The following BCR variants were observed in gnomAD, a reference collection of about 807,000 sequenced individuals.
BCR encodes the protein breakpoint cluster region protein.
In BCR, 58 loss-of-function variants were observed where a neutral mutation model predicts 138.6. The observed-to-expected ratio is 0.42, with a 90% CI of 0.34 to 0.52. BCR has a LOEUF of 0.52. Ranked by LOEUF, BCR falls within the 20% of genes least tolerant of loss-of-function variation. The probability of loss-of-function intolerance (pLI) is 0.06; values close to 1 mark genes in which losing one functional copy is unlikely to be tolerated. For synonymous variants in BCR, 786 were observed against 730.1 expected (o/e 1.08, Z -1.23); for missense variants, 1,599 against 1,727.2 (o/e 0.93, Z 1.32).
chr22:23,263,834 A>C, intron 4 of BCR: 1 of 1,110,122 alleles, frequency 9.0e-7, no homozygotes, highest in South Asian at 1.2e-5. Flanking sequence ...GGTAGTGTTT[A>C]TACACCATCC....
rs1339264038 is a variant in BCR at position 23,285,191 on chromosome 22, A to C, written c.2396A>C (p.Gln799Pro). Residue 799 changes from glutamine to proline, a missense_variant, in exon 10 of 23, where the codon CAG becomes CCG. By Grantham distance (76) the Gln-to-Pro change is moderately conservative. Coordinates refer to ENST00000305877, the MANE Select transcript of BCR (RefSeq NM_004327.4). Reference sequence around the variant, plus strand: ...ATCTCCCAGATCAAGAATGACATCCAGAGAGAGAAGGTGCACACCAGGGGA... The same window carrying C: ...ATCTCCCAGATCAAGAATGACATCCCGAGAGAGAAGGTGCACACCAGGGGA... The part of the protein sequence containing the change: ...IKISQIKNDI[Q>P]REKRANKGSK... 3.1e-6 allele frequency: 5 copies of C among 1,611,642 alleles called. No individual in the cohort carries two copies. The African/African-American group carries it at 6.7e-5, about 22-fold the overall frequency.
intron 1 of BCR, chr22:23,242,948 T>C (rs545860218): frequency 2.2e-6 from 1 of 454,458 alleles, no homozygotes; most frequent in African/African-American, 2.0e-5. Context: ...GGTGACAACA[T>C]CTCTCCAGTC....
At chr22:23,290,313 G>A in intron 13 of BCR, 26 bp from the exon 14 acceptor site, 1 of 1,607,600 alleles carries the variant, frequency 6.2e-7, no homozygotes, top group South Asian at 1.1e-5. Flanking sequence ...GACAACAGAA[G>A]CTGACCTCTT....
At chr22:23,217,043 CGGCGTGGACACAA>C (rs746459949) in intron 1 of BCR, 23 of 450,694 alleles carry the variant, frequency 5.1e-5, no homozygotes, top group South Asian at 3.0e-4. Context: ...TGTGGACACA[CGGCGTGGACACAA>C]GGCATGATTC....
chr22:23,300,291 A>G (rs746127550), intron 16 of BCR, among the ~76,000 whole-genome samples: 5 of 152,182 alleles, frequency 3.3e-5, no homozygotes, highest in Admixed American at 1.3e-4. Context: ...ACCTCATGTA[A>G]GTGGAATCAT....
rs1211567986 is a variant in BCR, at chr22:23,273,742, C to T, written c.2083C>T (p.Arg695Ter). 1.9e-6 allele frequency: 3 copies of T among 1,614,134 alleles called. No individual in the cohort carries two copies. The highest frequency in any genetic ancestry group is 1.7e-6 in the Non-Finnish European group (2 of 1,180,032). Residue 695 changes from arginine (R) to a stop codon, truncating the protein, a stop_gained, in exon 8 of 23, where the codon CGA becomes TGA. Transcript: ENST00000305877. LOFTEE classifies it high-confidence loss of function. ...CAGCATCAATGAGGAGATCACACCC[C>T]GACGGCAGTCCATGACGGTGAAGAA... Reference protein sequence around the residue: ...LSSINEEITPRRQSMTVKKGE... With the variant: ...LSSINEEITP
chr22:23,243,131 G>A (rs778280410), intron 1 of BCR: 3 of 248,218 alleles, frequency 1.2e-5, no homozygotes, highest in East Asian at 1.2e-4. Context: ...TTTCCTGAAC[G>A]ATGGGGTGAT....
intron 4 of BCR, chr22:23,263,754 C>A: frequency 7.0e-7 from 1 of 1,428,340 alleles, no homozygotes; most frequent in Non-Finnish European, 9.9e-7. Context: ...GCAAAGGGGG[C>A]ATCATATCAT....
At chr22:23,215,264 T>C (rs962224330) in intron 1 of BCR, among the ~76,000 whole-genome samples, 1 of 152,234 alleles carries the variant, frequency 6.6e-6, no homozygotes. Flanking sequence ...TTTCTGCCTT[T>C]TGTAAAGCAT....
In BCR at chr22:23,220,811, G is replaced by A. The variant is rs74609681; in HGVS notation, c.1280-32988G>A. On this transcript the variant is annotated intron_variant, in intron 1 of 22. Coordinates refer to ENST00000305877, the MANE Select transcript of BCR (RefSeq NM_004327.4). ...CCTGGAATTGTTGATGCATCAGAGA[G>A]AGCAGCCAGTTTGCACTGTGGGCTT... 5.9e-3 allele frequency among the ~76,000 whole-genome samples: 900 copies of A among 152,314 alleles called. 9 individuals carry two copies. Among genetic ancestry groups the A allele is most frequent in the African/African-American group, 0.018 (760 of 41,570 alleles).
chr22:23,202,721 T>TTGTGTGTGTGTGTGTG lies in BCR; in HGVS notation c.1279+20494_1279+20509dup, dbSNP rs58577462. 1.7e-3 allele frequency among the ~76,000 whole-genome samples: 244 copies of TTGTGTGTGTGTGTGTG among 142,820 alleles called. 4 individuals are homozygous for TTGTGTGTGTGTGTGTG. The East Asian group carries it at 0.023, about 14-fold the overall frequency. The allele number at this position is 142,820 out of a possible 152,430, so 93.7% of individuals were successfully genotyped here. A position where few individuals can be genotyped will look rare whatever the true frequency, so the allele number is the denominator to read the frequency against. On this transcript the variant is annotated intron_variant, in intron 1 of 22. Coordinates refer to ENST00000305877, the MANE Select transcript of BCR (RefSeq NM_004327.4). Reference sequence around the variant, plus strand: ...TAAGCTTGAGTAATAATTCAATTGTTTGTGTGTGTGTGTGTGTGTGTGTGT... The same window carrying TTGTGTGTGTGTGTGTG: ...TAAGCTTGAGTAATAATTCAATTGTTTGTGTGTGTGTGTGTGTGTGTGTGTGTGTGTGTGTGTGTGT...
intron 4 of BCR, chr22:23,262,688 GAA>G (rs1254841173): frequency 8.7e-6 from 6 of 687,820 alleles, no homozygotes; most frequent in African/African-American, 3.9e-5. Flanking sequence ...GGGCCGCCGG[GAA>G]TGGCGGGCCC....
chr22:23,285,289 G>C (rs1345762753), intron 10 of BCR, 88 bp downstream of exon 10: 1 of 1,414,516 alleles, frequency 7.1e-7, no homozygotes, highest in Non-Finnish European at 9.5e-7. Flanking sequence ...TTCTCCGTCA[G>C]GCCTCTGGGC....
intron 15 of BCR, 25 bp from the exon 16 acceptor site, chr22:23,294,999 C>G: frequency 6.2e-7 from 1 of 1,612,602 alleles, no homozygotes; most frequent in Non-Finnish European, 8.5e-7. Context: ...TCACACTGGA[C>G]TTCCCTTCTC....
chr22:23,228,298 C>T (rs1466687772), intron 1 of BCR, among the ~76,000 whole-genome samples: 1 of 152,132 alleles, frequency 6.6e-6, no homozygotes, highest in African/African-American at 2.4e-5. Context: ...TATTTTCAGT[C>T]ATTCCAAACC....
chr22:23,285,306 T>G, intron 10 of BCR, 105 bp downstream of exon 10: 7 of 1,266,574 alleles, frequency 5.5e-6, no homozygotes, highest in Non-Finnish European at 7.5e-6. Context: ...GGGCCCCAGG[T>G]CTGGTCTCTG....
rs145858404 is a variant in BCR, at chr22:23,252,202, A to G, written c.1280-1597A>G. 2.3e-3 allele frequency among the ~76,000 whole-genome samples: 357 copies of G among 152,270 alleles called. 2 individuals are homozygous for G. The highest frequency in any genetic ancestry group is 8.0e-3 in the African/African-American group (332 of 41,560). On this transcript the variant is annotated intron_variant, in intron 1 of 22. Coordinates refer to ENST00000305877, the MANE Select transcript of BCR (RefSeq NM_004327.4). ...CTATGACTCAGCCAGAAGCTGGGCC[A>G]GACTGGGGGATGGGGGAACCTGTAG...
rs1221239322 is a variant in BCR at position 23,311,749 on chromosome 22, G to A, written c.3235G>A (p.Glu1079Lys). 2.5e-6 allele frequency: 4 copies of A among 1,611,394 alleles called. No individual in the cohort carries two copies. The highest frequency in any genetic ancestry group is 3.4e-6 in the Non-Finnish European group (4 of 1,179,796). ...CGTGCGCCAGTGCGTGGAGGAGATC[G>A]AGCGCCGAGGCATGGAGGAGGTGGG... ...YIVRQCVEEI[E>K]RRGMEEVGIY... Residue 1079 changes from glutamate (E) to lysine (K), a missense_variant, in exon 19 of 23, where the codon GAG becomes AAG. Transcript: ENST00000305877.
intron 2 of BCR, 80 bp from the exon 3 acceptor site, chr22:23,260,870 G>A (rs2073349009): frequency 7.5e-7 from 1 of 1,330,282 alleles, no homozygotes; most frequent in East Asian, 2.3e-5. Flanking sequence ...CAACAAGCTG[G>A]CCCTCCTCTC....
Sources: gnomAD v4.1 joint callset for allele counts (sites outside exome capture counted in the v4.1 genomes callset) on GRCh38, gnomAD v4.1.1 for gene constraint, MANE v1.5 for transcripts, NCBI Gene and HGNC (gene_info 2026-07-23, HGNC 2026-07-21) for gene names.